Variants in DAAM1 observed in about 807,000 individuals in gnomAD.
DAAM1 encodes disheveled-associated activator of morphogenesis 1.
In DAAM1, 52 loss-of-function variants were observed where a neutral mutation model predicts 130.0. The observed-to-expected ratio is 0.40, with a 90% CI of 0.32 to 0.50. The LOEUF is 0.50. Ranked by LOEUF, DAAM1 falls within the 20% of genes least tolerant of loss-of-function variation. DAAM1 has a pLI of 0.61. For missense variants in DAAM1, 1,134 were observed against 1,303.8 expected, an observed-to-expected ratio of 0.87 and a Z score of 2.01; for synonymous variants, 452 against 444.5, an observed-to-expected ratio of 1.02 and a Z score of -0.21.
chr14:59,333,131 T>TG (rs1222692179), intron 15 of DAAM1, among the ~76,000 whole-genome samples: 1 of 151,984 alleles, frequency 6.6e-6, no homozygotes, highest in Non-Finnish European at 1.5e-5. Flanking sequence ...ACATCTGAAA[T>TG]GGGGGGGAAA....
At chr14:59,197,792 T>A (rs1887949357) in intron 1 of DAAM1, among the ~76,000 whole-genome samples, 2 of 152,224 alleles carry the variant, frequency 1.3e-5, no homozygotes, top group African/African-American at 4.8e-5. Context: ...TTCTGCTCCT[T>A]TGGCTTCTCT....
At chr14:59,298,403 C>T (rs1884039656) in intron 3 of DAAM1, among the ~76,000 whole-genome samples, 1 of 152,140 alleles carries the variant, frequency 6.6e-6, no homozygotes, top group South Asian at 2.1e-4. Flanking sequence ...AAGATTAATC[C>T]ATAAACCACC....
intron 1 of DAAM1, among the ~76,000 whole-genome samples, chr14:59,261,566 T>G (rs1882157469): frequency 6.6e-6 from 1 of 152,244 alleles, no homozygotes; most frequent in African/African-American, 2.4e-5. Context: ...CATTGTGGAC[T>G]CTGTGATAGA....
At chr14:59,353,612 C>G (rs991861044) in intron 18 of DAAM1, among the ~76,000 whole-genome samples, 8 of 152,190 alleles carry the variant, frequency 5.3e-5, no homozygotes, top group African/African-American at 1.9e-4. Context: ...CTCCCACTTT[C>G]TTTTAGCAGT....
chr14:59,191,504 G>C (rs1240421728), intron 1 of DAAM1, among the ~76,000 whole-genome samples: 1 of 152,062 alleles, frequency 6.6e-6, no homozygotes, highest in African/African-American at 2.4e-5. Flanking sequence ...TCCACTGATA[G>C]TTCTGTCATC....
Position 59,331,278 on chromosome 14 carries a change from G to A in DAAM1, c.1630G>A (p.Val544Met), listed in dbSNP as rs750970445. Reference protein sequence around the residue: ...GAPGGPFPSSVPGSLLPPPPP... With the variant: ...GAPGGPFPSSMPGSLLPPPPP... ...ACCAGGAGGGCCCTTTCCTTCCTCTGTGCCTGGATCTCTCCTTCCTCCCCC... is the reference window on the plus strand; with the variant it reads ...ACCAGGAGGGCCCTTTCCTTCCTCTATGCCTGGATCTCTCCTTCCTCCCCC... The change falls in exon 14 of 25, where the codon GTG becomes ATG. Residue 544 changes from valine to methionine, a missense_variant. Transcript: ENST00000360909. The A allele has an allele frequency of 6.2e-7, 1 of 1,612,620 alleles. No individual in the cohort carries two copies. The highest frequency in any genetic ancestry group is 8.5e-7 in the Non-Finnish European group (1 of 1,179,980).
At chr14:59,267,565 A>G (rs1882500334) in intron 2 of DAAM1, among the ~76,000 whole-genome samples, 1 of 152,182 alleles carries the variant, frequency 6.6e-6, no homozygotes, top group African/African-American at 2.4e-5. Context: ...AAAGTGTGCA[A>G]TTCAGTGGCT....
chr14:59,198,404 A>T (rs764597016), intron 1 of DAAM1, among the ~76,000 whole-genome samples: 6 of 151,592 alleles, frequency 4.0e-5, no homozygotes, highest in Non-Finnish European at 8.8e-5. Flanking sequence ...CAGGGTTTCA[A>T]CATATTGGTC....
At chr14:59,238,780 A>G (rs2139457970) in intron 1 of DAAM1, among the ~76,000 whole-genome samples, 1 of 152,280 alleles carries the variant, frequency 6.6e-6, no homozygotes, top group Non-Finnish European at 1.5e-5. Flanking sequence ...GTCTCTAGAC[A>G]CCTCCTGGAA....
chr14:59,316,666 G>T (rs543239579), intron 4 of DAAM1, among the ~76,000 whole-genome samples: 8 of 152,338 alleles, frequency 5.3e-5, no homozygotes, highest in African/African-American at 1.7e-4. Flanking sequence ...TGTGAGATTT[G>T]TGATGACCAC....
At chr14:59,347,414 A>G in intron 16 of DAAM1, 125 bp from the exon 17 acceptor site, 2 of 853,536 alleles carry the variant, frequency 2.3e-6, no homozygotes, top group Non-Finnish European at 3.7e-6. Flanking sequence ...GTCAGGAAAT[A>G]AGCTTTCACT....
intron 3 of DAAM1, among the ~76,000 whole-genome samples, chr14:59,295,028 C>G (rs1235791964): frequency 6.6e-6 from 1 of 152,134 alleles, no homozygotes; most frequent in African/African-American, 2.4e-5. Context: ...TTATTAGTAT[C>G]CAGAAAAATA....
At chr14:59,280,887 C>T (rs1883185961) in intron 2 of DAAM1, among the ~76,000 whole-genome samples, 1 of 152,066 alleles carries the variant, frequency 6.6e-6, no homozygotes, top group Non-Finnish European at 1.5e-5. Context: ...TAAGTGCTAT[C>T]ATTTTTTCTA....
At chr14:59,280,698 G>T (rs1313521358) in intron 2 of DAAM1, among the ~76,000 whole-genome samples, 3 of 151,970 alleles carry the variant, frequency 2.0e-5, no homozygotes, top group Non-Finnish European at 4.4e-5. Context: ...ATTCCACAAA[G>T]TACAGAGGAG....
chr14:59,306,779 T>C (rs1469254498), intron 3 of DAAM1, among the ~76,000 whole-genome samples: 1 of 151,922 alleles, frequency 6.6e-6, no homozygotes, highest in East Asian at 1.9e-4. Context: ...GACCAAGTGC[T>C]CCCTTCCAAG....
chr14:59,243,258 G>T (rs1194449026), intron 1 of DAAM1, among the ~76,000 whole-genome samples: 1 of 152,114 alleles, frequency 6.6e-6, no homozygotes, highest in Non-Finnish European at 1.5e-5. Context: ...TTTCTTCACT[G>T]CTTTGTGTAG....
In DAAM1 at chr14:59,330,278, G is replaced by C. The variant is rs901885057; in HGVS notation, c.1373-223G>C. On this transcript the variant is annotated intron_variant, in intron 12 of 24. Transcript: ENST00000360909. ...CTGTGAGTGTAGGCTCTCTTCTTCA[G>C]TCTCTTACGTAGTTAATAATAACAT... Among the ~76,000 whole-genome samples the C allele has an allele frequency of 6.2e-4, 26 of 41,786 alleles. 1 individual carries two copies. The highest frequency in any genetic ancestry group is 1.2e-3 in the Non-Finnish European group (23 of 19,790). 27.4% of individuals were successfully genotyped at this position (41,786 alleles called of 152,430 possible).
intron 1 of DAAM1, among the ~76,000 whole-genome samples, chr14:59,228,953 A>G (rs1889023265): frequency 6.6e-6 from 1 of 152,160 alleles, no homozygotes; most frequent in African/African-American, 2.4e-5. Flanking sequence ...TTTTTGATTG[A>G]CTTTTAAAAG....
intron 16 of DAAM1, among the ~76,000 whole-genome samples, chr14:59,341,074 T>C (rs1885825297): frequency 6.6e-6 from 1 of 152,238 alleles, no homozygotes; most frequent in Non-Finnish European, 1.5e-5. Flanking sequence ...GAATTTCTTT[T>C]AACACAAAGA....
Sources: gnomAD v4.1 joint callset for allele counts (sites outside exome capture counted in the v4.1 genomes callset) on GRCh38, gnomAD v4.1.1 for gene constraint, MANE v1.5 for transcripts, NCBI Gene and HGNC (gene_info 2026-07-23, HGNC 2026-07-21) for gene names.